Variants in SCLT1 observed in about 807,000 individuals in gnomAD.
SCLT1 encodes the protein sodium channel-associated protein 1.
SCLT1 carries 78 observed loss-of-function variants against 112.8 expected under a neutral mutation model. The observed-to-expected ratio is 0.69, with a 90% CI of 0.58 to 0.83. The LOEUF is 0.83. SCLT1 is among the 40% of genes least tolerant of loss of function. The pLI, the probability that SCLT1 is intolerant of heterozygous loss-of-function variation, is 0.00. For synonymous variants in SCLT1, 257 were observed against 254.7 expected, an observed-to-expected ratio of 1.01 and a Z score of -0.09; for missense variants, 747 against 770.4, an observed-to-expected ratio of 0.97 and a Z score of 0.36.
chr4:129,059,900 C>T (rs1228342137), intron 2 of SCLT1, among the ~76,000 whole-genome samples: 2 of 152,130 alleles, frequency 1.3e-5, no homozygotes, highest in Non-Finnish European at 2.9e-5. Context: ...TCTCCACAGC[C>T]TTGGGAAGTT....
At chr4:128,894,518 C>CT (rs1021380063) in intron 18 of SCLT1, among the ~76,000 whole-genome samples, 5 of 151,968 alleles carry the variant, frequency 3.3e-5, no homozygotes, top group African/African-American at 7.3e-5. Context: ...GACTTCTTCC[C>CT]TAAAAGTCCA....
chr4:129,091,974 G>A (rs1752866309), intron 1 of SCLT1, among the ~76,000 whole-genome samples: 1 of 152,164 alleles, frequency 6.6e-6, no homozygotes, highest in Non-Finnish European at 1.5e-5. Flanking sequence ...AAACTAAGTT[G>A]CTCTCTACCT....
chr4:129,086,324 T>C (rs1319083091), intron 1 of SCLT1, among the ~76,000 whole-genome samples: 1 of 150,810 alleles, frequency 6.6e-6, no homozygotes, highest in East Asian at 1.9e-4. Context: ...TATATATATA[T>C]ATATATATAT....
At chr4:129,026,394 A>T (rs1262329929) in intron 5 of SCLT1, among the ~76,000 whole-genome samples, 1 of 152,214 alleles carries the variant, frequency 6.6e-6, no homozygotes, top group South Asian at 2.1e-4. Context: ...GGACTAAGAA[A>T]CTCACTCAAA....
At chr4:128,933,474 C>T (rs1425067224) in intron 18 of SCLT1, among the ~76,000 whole-genome samples, 1 of 152,044 alleles carries the variant, frequency 6.6e-6, no homozygotes, top group East Asian at 1.9e-4. Context: ...GGTCCATGGG[C>T]CATTTTGATG....
intron 2 of SCLT1, among the ~76,000 whole-genome samples, chr4:129,079,735 T>G (rs1446567267): frequency 6.6e-6 from 1 of 152,250 alleles, no homozygotes; most frequent in African/African-American, 2.4e-5. Context: ...GTGTCCAGTG[T>G]GGATTCTGTG....
At chr4:128,980,520 T>C (rs1240310926) in intron 9 of SCLT1, among the ~76,000 whole-genome samples, 1 of 152,210 alleles carries the variant, frequency 6.6e-6, no homozygotes, top group Non-Finnish European at 1.5e-5. Context: ...TCAGCTCTAA[T>C]GCTCTTCAAT....
At chr4:128,886,194 T>C (rs1389507134) in intron 20 of SCLT1, among the ~76,000 whole-genome samples, 1 of 152,204 alleles carries the variant, frequency 6.6e-6, no homozygotes, top group African/African-American at 2.4e-5. Context: ...GAACACAGTA[T>C]GGCATTCAAC....
At chr4:128,988,448 C>T (rs1742284548) in intron 9 of SCLT1, among the ~76,000 whole-genome samples, 1 of 151,698 alleles carries the variant, frequency 6.6e-6, no homozygotes, top group Admixed American at 6.6e-5. Flanking sequence ...ATTTGCAAGC[C>T]TCATGGTAAC....
chr4:129,027,231 A>G (rs374651695), intron 5 of SCLT1, among the ~76,000 whole-genome samples: 2,164 of 152,214 alleles, frequency 0.014, 45 homozygotes, highest in African/African-American at 0.044. Flanking sequence ...TACCAAAGCC[A>G]GGCAGAGACA....
chr4:129,085,121 T>C (rs1378907161), intron 1 of SCLT1, among the ~76,000 whole-genome samples: 1 of 152,158 alleles, frequency 6.6e-6, no homozygotes, highest in East Asian at 1.9e-4. Context: ...AAACTGTGTA[T>C]CTGACAAAGG....
chr4:129,049,454 G>C (rs1034622649), intron 2 of SCLT1, among the ~76,000 whole-genome samples: 23 of 124,402 alleles, frequency 1.8e-4, no homozygotes, highest in Admixed American at 9.0e-4. Context: ...ACAGGAAGGG[G>C]AACATCACAC....
intron 18 of SCLT1, among the ~76,000 whole-genome samples, chr4:128,927,779 GT>G (rs1329742140): frequency 6.6e-6 from 1 of 151,502 alleles, no homozygotes; most frequent in Non-Finnish European, 1.5e-5. Flanking sequence ...AGAGCAGAAA[GT>G]AATAAAATTA....
At chr4:128,876,841 T>A (rs1230989027) in intron 3 of SCLT1, among the ~76,000 whole-genome samples, 1 of 152,222 alleles carries the variant, frequency 6.6e-6, no homozygotes, top group Non-Finnish European at 1.5e-5. Flanking sequence ...TTTTAGAGAA[T>A]GTCCTCCTAG....
At chr4:129,047,039 C>T (rs1035678310) in intron 2 of SCLT1, among the ~76,000 whole-genome samples, 1 of 152,030 alleles carries the variant, frequency 6.6e-6, no homozygotes, top group Non-Finnish European at 1.5e-5. Context: ...TAGATTTTTG[C>T]AAGATTACAA....
At chr4:128,879,100 AC>A, downstream of SCLT1, among the ~76,000 whole-genome samples, 1 of 152,128 alleles carries the variant, frequency 6.6e-6, no homozygotes, top group East Asian at 1.9e-4. Context: ...CACATTGTGC[AC>A]ATGTACCCTA....
At chr4:128,909,920 C>T (rs766805114) in intron 18 of SCLT1, among the ~76,000 whole-genome samples, 1 of 152,072 alleles carries the variant, frequency 6.6e-6, no homozygotes, top group African/African-American at 2.4e-5. Context: ...GTAGGCAGGG[C>T]CAGTATACTT....
intron 5 of SCLT1, among the ~76,000 whole-genome samples, chr4:129,026,043 C>T (rs1235849077): frequency 6.6e-6 from 1 of 152,182 alleles, no homozygotes; most frequent in Non-Finnish European, 1.5e-5. Flanking sequence ...CACCCACATA[C>T]ATAAAGCAAG....
At chr4:128,946,890 A>C (rs1263554864) in intron 15 of SCLT1, among the ~76,000 whole-genome samples, 1 of 152,090 alleles carries the variant, frequency 6.6e-6, no homozygotes, top group East Asian at 1.9e-4. Context: ...CTTTCCATGC[A>C]ATGGGGCTCC....
Sources: allele counts gnomAD v4.1 joint callset (sites outside exome capture counted in the v4.1 genomes callset), GRCh38; gene constraint gnomAD v4.1.1; transcripts MANE v1.5; gene names NCBI Gene and HGNC (gene_info 2026-07-23, HGNC 2026-07-21).